The following DOCK1 variants were observed in gnomAD, a reference collection of about 807,000 sequenced individuals.
DOCK1 encodes the protein dedicator of cytokinesis 1.
DOCK1 carries 138 observed loss-of-function variants against 262.7 expected under a neutral mutation model. That is an observed-to-expected ratio of 0.53 (90% CI 0.46 to 0.61). The LOEUF (loss-of-function observed/expected upper bound fraction) is 0.61, where lower values mean the gene tolerates loss of function less well. Among genes scored for constraint, DOCK1 ranks in the 20% least tolerant of loss-of-function variants. DOCK1 has a pLI of 0.00. For missense variants in DOCK1, 1,908 were observed against 2,370.7 expected, an observed-to-expected ratio of 0.80 and a Z score of 4.05; for synonymous variants, 866 against 867.4, an observed-to-expected ratio of 1.00 and a Z score of 0.03.
At chr10:127,406,578 C>A (rs1379655491) in intron 40 of DOCK1, among the ~76,000 whole-genome samples, 6 of 152,188 alleles carry the variant, frequency 3.9e-5, no homozygotes, top group Non-Finnish European at 7.3e-5. Context: ...GTGCTTCATG[C>A]CCTGCTGGAG....
chr10:126,906,342 C>T (rs940694974), intron 1 of DOCK1, among the ~76,000 whole-genome samples: 1 of 152,172 alleles, frequency 6.6e-6, no homozygotes, highest in Admixed American at 6.5e-5. Flanking sequence ...TAGACGGGCC[C>T]GTCCGCGTGG....
chr10:127,346,261 C>T (rs2063629607), intron 31 of DOCK1, among the ~76,000 whole-genome samples: 2 of 152,344 alleles, frequency 1.3e-5, no homozygotes, highest in Admixed American at 6.5e-5. Flanking sequence ...TGGGCCCTTC[C>T]TTCTGTTGGT....
intron 27 of DOCK1, among the ~76,000 whole-genome samples, chr10:127,202,509 G>A (rs556409445): frequency 6.6e-6 from 1 of 152,112 alleles, no homozygotes; most frequent in Non-Finnish European, 1.5e-5. Context: ...CTCCCAGCTG[G>A]GGGGTGTAGG....
intron 1 of DOCK1, among the ~76,000 whole-genome samples, chr10:126,968,744 T>C (rs372161182): frequency 2.8e-4 from 43 of 152,252 alleles, no homozygotes; most frequent in African/African-American, 1.0e-3. Context: ...TTCCTGAAGG[T>C]TTACGAATAC....
chr10:127,063,482 T>G (rs2045669513), intron 23 of DOCK1, among the ~76,000 whole-genome samples: 1 of 152,150 alleles, frequency 6.6e-6, no homozygotes, highest in African/African-American at 2.4e-5. Context: ...ATTTTTTTTT[T>G]ACATGATTTA....
At chr10:127,169,063 A>G (rs973861331) in intron 27 of DOCK1, among the ~76,000 whole-genome samples, 7 of 152,216 alleles carry the variant, frequency 4.6e-5, no homozygotes, top group Non-Finnish European at 8.8e-5. Context: ...TTCTAGGTTA[A>G]CGCAAGTCAC....
rs114993273 is a variant in DOCK1 at position 127,065,446 on chromosome 10, G to A, written c.2445+3670G>A. Among the ~76,000 whole-genome samples, 552 of 152,258 alleles carry A rather than the reference G, an allele frequency of 3.6e-3. 1 individual carries two copies. Among genetic ancestry groups the A allele is most frequent in the African/African-American group, 0.013 (523 of 41,554 alleles). On this transcript the variant is annotated intron_variant, in intron 23 of 51. Transcript: ENST00000623213. ...ACATTTTGCCTCCGCACCTGTCCCTGGATAGAGGCTCGGCCTGTTCCCACC... is the reference window on the plus strand; with the variant it reads ...ACATTTTGCCTCCGCACCTGTCCCTAGATAGAGGCTCGGCCTGTTCCCACC...
intron 22 of DOCK1, 111 bp downstream of exon 22, chr10:127,052,926 T>C (rs1406685006): frequency 1.5e-5 from 21 of 1,409,534 alleles, no homozygotes; most frequent in Middle Eastern, 2.6e-4. Flanking sequence ...TTCTTCCCCC[T>C]TTTTCCCCCT....
At chr10:127,327,039 C>T (rs2062774618) in intron 29 of DOCK1, among the ~76,000 whole-genome samples, 1 of 152,212 alleles carries the variant, frequency 6.6e-6, no homozygotes, top group Non-Finnish European at 1.5e-5. Flanking sequence ...GTGCTGTCAT[C>T]CAGGCTCTCT....
chr10:127,117,329 C>G (rs752126065), intron 25 of DOCK1, among the ~76,000 whole-genome samples: 1 of 152,196 alleles, frequency 6.6e-6, no homozygotes, highest in Non-Finnish European at 1.5e-5. Context: ...GAGCTGTCCA[C>G]CGCCGTGGTG....
At chr10:127,261,382 T>G (rs1224827957) in intron 29 of DOCK1, among the ~76,000 whole-genome samples, 1 of 135,644 alleles carries the variant, frequency 7.4e-6, no homozygotes, top group Non-Finnish European at 1.6e-5. Flanking sequence ...TGTGGGTGTG[T>G]GTGTACCTGC....
chr10:127,336,566 G>A (rs1226444602), intron 29 of DOCK1, among the ~76,000 whole-genome samples: 1 of 144,908 alleles, frequency 6.9e-6, no homozygotes, highest in Non-Finnish European at 1.5e-5. Flanking sequence ...TTTGAGACAA[G>A]TCTCACTCTG....
rs145077418 is a variant in DOCK1 at position 127,040,002 on chromosome 10, C to T, written c.2010+2186C>T. On this transcript the variant is annotated intron_variant, in intron 19 of 51. Coordinates refer to ENST00000623213, the MANE Select transcript of DOCK1 (RefSeq NM_001290223.2). ...GCTCGCCCCTGCCCCACTGCAGCTC[C>T]GCAGCCCAATACGTGCAGCTCCATC... is the stretch of plus-strand genomic sequence containing the variant. 3.5e-3 allele frequency among the ~76,000 whole-genome samples: 538 copies of T among 152,226 alleles called. 1 individual carries two copies. The highest frequency in any genetic ancestry group is 0.017 in the Middle Eastern group (5 of 294).
At position 127,245,262 on chromosome 10, in the gene DOCK1, C is replaced by T. The variant is rs151337905; in HGVS notation, c.2848-2746C>T. Among the ~76,000 whole-genome samples the T allele has an allele frequency of 2.9e-3, 445 of 152,346 alleles. 3 individuals carry two copies. The highest frequency in any genetic ancestry group is 0.01 in the African/African-American group (429 of 41,574). On this transcript the variant is annotated intron_variant, in intron 27 of 51. Transcript: ENST00000623213. ...CATCCGTTTCCTAATGGAGTTCATGCTTCACCTTAGAGCTGAAAAAGCAAG... is the reference window on the plus strand; with the variant it reads ...CATCCGTTTCCTAATGGAGTTCATGTTTCACCTTAGAGCTGAAAAAGCAAG...
intron 29 of DOCK1, among the ~76,000 whole-genome samples, chr10:127,291,694 A>T (rs1160425238): frequency 6.6e-6 from 1 of 151,976 alleles, no homozygotes; most frequent in East Asian, 1.9e-4. Context: ...GGTTTTGCTG[A>T]TTTCGCTTCC....
chr10:127,024,812 T>C (rs767886136), intron 15 of DOCK1, 29 bp downstream of exon 15: 2 of 1,538,842 alleles, frequency 1.3e-6, no homozygotes, highest in Non-Finnish European at 1.8e-6. Flanking sequence ...TTTTATCACA[T>C]GGCGCTGATT....
In DOCK1 at chr10:127,257,649, C is replaced by T. The variant is rs139668742; in HGVS notation, c.3044+220C>T. ...GCTCTGGCTCTAAGAACTTGAGCTC[C>T]GTCCCCTGGAGAAAAACAGCCTGAA... On this transcript the variant is annotated intron_variant, in intron 29 of 51. Coordinates refer to ENST00000623213, the MANE Select transcript of DOCK1 (RefSeq NM_001290223.2). 1,416 of 392,400 alleles carry T rather than the reference C, an allele frequency of 3.6e-3. 8 individuals carry two copies. Among genetic ancestry groups the T allele is most frequent in the Non-Finnish European group, 4.8e-3 (1,024 of 212,334 alleles). 24.3% of individuals were successfully genotyped at this position (392,400 alleles called of 1,614,324 possible).
At chr10:127,423,535 A>G (rs956423653) in intron 46 of DOCK1, among the ~76,000 whole-genome samples, 3 of 152,210 alleles carry the variant, frequency 2.0e-5, no homozygotes, top group Non-Finnish European at 4.4e-5. Context: ...CAAAGGCACA[A>G]TTCCATCTTT....
intron 29 of DOCK1, among the ~76,000 whole-genome samples, chr10:127,291,230 T>C (rs1313799420): frequency 6.6e-6 from 1 of 152,238 alleles, no homozygotes; most frequent in East Asian, 1.9e-4. Flanking sequence ...GTGGATTTAC[T>C]GGACAGACCA....
Sources: allele counts gnomAD v4.1 joint callset (sites outside exome capture counted in the v4.1 genomes callset), GRCh38; gene constraint gnomAD v4.1.1; transcripts MANE v1.5; gene names NCBI Gene and HGNC (gene_info 2026-07-23, HGNC 2026-07-21).